Variants in SYT1 observed in about 807,000 individuals in gnomAD.
SYT1 encodes synaptotagmin 1.
A neutral mutation model predicts 44.8 loss-of-function variants in SYT1; 8 were observed. That is an observed-to-expected ratio of 0.18 (90% CI 0.10 to 0.32). The LOEUF is 0.32. Ranked by LOEUF, SYT1 falls within the 10% of genes least tolerant of loss-of-function variation. SYT1 has a pLI of 1.00. For synonymous variants in SYT1, 154 were observed against 188.8 expected (o/e 0.82, Z 1.51); for missense variants, 286 against 509.3 (o/e 0.56, Z 4.22).
chr12:79,422,924 C>T (rs1329536759), intron 9 of SYT1, among the ~76,000 whole-genome samples: 3 of 151,974 alleles, frequency 2.0e-5, no homozygotes, highest in East Asian at 3.9e-4. Context: ...GTATCTTTAC[C>T]GATACATGCT....
intron 3 of SYT1, among the ~76,000 whole-genome samples, chr12:79,152,663 A>G (rs1434891972): frequency 1.3e-5 from 2 of 152,068 alleles, no homozygotes; most frequent in South Asian, 2.1e-4. Context: ...TGAGAAAGGA[A>G]TTGTATGCTG....
At chr12:79,182,750 T>C (rs1234257797) in intron 3 of SYT1, among the ~76,000 whole-genome samples, 1 of 152,126 alleles carries the variant, frequency 6.6e-6, no homozygotes, top group Non-Finnish European at 1.5e-5. Flanking sequence ...TCTTTCAATC[T>C]GATAACCTAA....
chr12:79,338,219 G>A (rs958183951), intron 8 of SYT1, among the ~76,000 whole-genome samples: 1 of 151,326 alleles, frequency 6.6e-6, no homozygotes, highest in Non-Finnish European at 1.5e-5. Context: ...TTGACTTAGA[G>A]AAATCATCCA....
Position 79,163,901 on chromosome 12 carries a change from G to A in SYT1, c.-17-53602G>A, listed in dbSNP as rs564742031. On this transcript the variant is annotated intron_variant, in intron 3 of 10. Coordinates refer to ENST00000261205, the MANE Select transcript of SYT1 (RefSeq NM_005639.3). ...TTTTCTCATTGTTTGTTAAGTAGGT[G>A]CTTTAGAGCTCAACATACACCTTCA... is the stretch of plus-strand genomic sequence containing the variant. Among the ~76,000 whole-genome samples the A allele has an allele frequency of 2.0e-5, 3 of 152,146 alleles. No homozygotes were observed. The South Asian group carries it at 6.2e-4, about 32-fold the overall frequency.
intron 1 of SYT1, among the ~76,000 whole-genome samples, chr12:78,889,303 AATCACGTT>A: frequency 6.6e-6 from 1 of 151,962 alleles, no homozygotes; most frequent in African/African-American, 2.4e-5. Context: ...TTATAGCTCC[AATCACGTT>A]ACCAAAGGGT....
chr12:79,148,793 CT>C (rs1423634960), intron 3 of SYT1, among the ~76,000 whole-genome samples: 3 of 152,104 alleles, frequency 2.0e-5, no homozygotes, highest in African/African-American at 7.2e-5. Context: ...TGTTCAATTG[CT>C]ATTAAAATGT....
At chr12:79,166,959 C>T (rs538942579) in intron 3 of SYT1, among the ~76,000 whole-genome samples, 15 of 152,042 alleles carry the variant, frequency 9.9e-5, no homozygotes, top group African/African-American at 3.1e-4. Flanking sequence ...TTGTAAATCA[C>T]CTCAAACAAA....
intron 3 of SYT1, among the ~76,000 whole-genome samples, chr12:79,091,060 A>G (rs1025519923): frequency 6.6e-6 from 1 of 152,002 alleles, no homozygotes; most frequent in Non-Finnish European, 1.5e-5. Flanking sequence ...TTACAAAAGG[A>G]TAAATTTTCA....
intron 4 of SYT1, among the ~76,000 whole-genome samples, chr12:79,232,977 TTC>T (rs1565866906): frequency 6.6e-6 from 1 of 152,192 alleles, no homozygotes; most frequent in African/African-American, 2.4e-5. Flanking sequence ...TCTTTGCTTT[TTC>T]TCTCTCCTTT....
chr12:78,869,129 C>T (rs757176653), intron 1 of SYT1, among the ~76,000 whole-genome samples: 2 of 151,816 alleles, frequency 1.3e-5, no homozygotes, highest in African/African-American at 4.8e-5. Flanking sequence ...AAATGATCAA[C>T]ATTTTTTCAG....
chr12:79,245,253 G>A (rs1230302158), intron 4 of SYT1, among the ~76,000 whole-genome samples: 1 of 149,510 alleles, frequency 6.7e-6, no homozygotes, highest in Non-Finnish European at 1.5e-5. Flanking sequence ...ATCACGAGGT[G>A]AGGAGATCCT....
chr12:79,061,218 AG>A (rs1312749932), intron 3 of SYT1, among the ~76,000 whole-genome samples: 2 of 152,118 alleles, frequency 1.3e-5, no homozygotes, highest in Non-Finnish European at 2.9e-5. Context: ...GTCAATAAGA[AG>A]GAAATAATCT....
At chr12:79,023,274 G>C in intron 2 of SYT1, among the ~76,000 whole-genome samples, 1 of 151,806 alleles carries the variant, frequency 6.6e-6, no homozygotes, top group East Asian at 1.9e-4. Flanking sequence ...TAATTTATTT[G>C]ATTATGGCTG....
intron 8 of SYT1, among the ~76,000 whole-genome samples, chr12:79,321,497 A>G (rs748627522): frequency 6.6e-6 from 1 of 152,222 alleles, no homozygotes; most frequent in Non-Finnish European, 1.5e-5. Flanking sequence ...AAATTAGCAT[A>G]CAGGCAGTTT....
chr12:78,889,146 C>G (rs1273118883), intron 1 of SYT1, among the ~76,000 whole-genome samples: 1 of 151,770 alleles, frequency 6.6e-6, no homozygotes, highest in Non-Finnish European at 1.5e-5. Flanking sequence ...AGAATTCCTG[C>G]TTTGTCTGGG....
chr12:79,003,719 T>C (rs988855490), intron 2 of SYT1, among the ~76,000 whole-genome samples: 2 of 151,996 alleles, frequency 1.3e-5, no homozygotes, highest in African/African-American at 2.4e-5. Flanking sequence ...GATGATGTAG[T>C]CTGTTTTCTC....
At chr12:79,233,837 A>C (rs537989241) in intron 4 of SYT1, among the ~76,000 whole-genome samples, 1 of 152,296 alleles carries the variant, frequency 6.6e-6, no homozygotes, top group East Asian at 1.9e-4. Flanking sequence ...GCCCTGCATA[A>C]TTTTACCAGT....
At chr12:79,041,585 C>T (rs1248694161) in intron 2 of SYT1, among the ~76,000 whole-genome samples, 2 of 152,150 alleles carry the variant, frequency 1.3e-5, no homozygotes, top group African/African-American at 4.8e-5. Flanking sequence ...GACAGTTTGA[C>T]TTCTTATTTT....
At chr12:79,430,499 AGGAAAGCC>A (rs1193587064) in intron 9 of SYT1, among the ~76,000 whole-genome samples, 1 of 152,172 alleles carries the variant, frequency 6.6e-6, no homozygotes. Flanking sequence ...AGAGTTGCTT[AGGAAAGCC>A]GGGCATGGTG....
Sources: allele counts gnomAD v4.1 joint callset (sites outside exome capture counted in the v4.1 genomes callset), GRCh38; gene constraint gnomAD v4.1.1; transcripts MANE v1.5; gene names NCBI Gene and HGNC (gene_info 2026-07-23, HGNC 2026-07-21).